Variants in C9orf72 observed in about 807,000 individuals in gnomAD.
C9orf72 encodes the protein C9orf72-SMCR8 complex subunit.
C9orf72 carries 44 observed loss-of-function variants against 51.6 expected under a neutral mutation model. That is an observed-to-expected ratio of 0.85 (90% CI 0.67 to 1.10). The LOEUF (loss-of-function observed/expected upper bound fraction) is 1.10, where lower values mean the gene tolerates loss of function less well. Among genes scored for constraint, C9orf72 ranks in the 50% least tolerant of loss-of-function variants. C9orf72 has a pLI of 0.00. For synonymous variants in C9orf72, 213 were observed against 194.2 expected, an observed-to-expected ratio of 1.10 and a Z score of -0.81; for missense variants, 607 against 570.6, an observed-to-expected ratio of 1.06 and a Z score of -0.65.
chr9:27,565,725 C>T (rs1430616715), intron 2 of C9orf72, 135 bp from the exon 3 acceptor site: 2 of 598,832 alleles, frequency 3.3e-6, no homozygotes, highest in Non-Finnish European at 5.9e-6. Flanking sequence ...AAAATGGGGG[C>T]AGGGGTAGGA....
chr9:27,564,204 G>C (rs553969687), intron 3 of C9orf72, among the ~76,000 whole-genome samples: 2 of 146,656 alleles, frequency 1.4e-5, no homozygotes, highest in African/African-American at 5.0e-5. Flanking sequence ...ATACAGAAGA[G>C]GCTCTAAAAG....
intron 9 of C9orf72, among the ~76,000 whole-genome samples, chr9:27,549,577 C>A (rs1315191748): frequency 6.6e-6 from 1 of 151,932 alleles, no homozygotes; most frequent in African/African-American, 2.4e-5. Flanking sequence ...AGTTTCCTGG[C>A]CTGATCCCCA....
chr9:27,566,297 C>T (rs1819465208), intron 2 of C9orf72, among the ~76,000 whole-genome samples: 1 of 152,140 alleles, frequency 6.6e-6, no homozygotes, highest in African/African-American at 2.4e-5. Context: ...TGACCAACAG[C>T]TTATGAAACT....
At chr9:27,569,311 G>A (rs1485811185) in intron 1 of C9orf72, among the ~76,000 whole-genome samples, 3 of 151,946 alleles carry the variant, frequency 2.0e-5, no homozygotes, top group Admixed American at 6.5e-5. Flanking sequence ...AGTCTACAGT[G>A]GTGTACAGTG....
chr9:27,554,711 A>G (rs897091445), intron 8 of C9orf72: 1 of 397,892 alleles, frequency 2.5e-6, no homozygotes, highest in African/African-American at 2.1e-5. Context: ...AGTTAAAATT[A>G]AAAATAACAA....
intron 8 of C9orf72, among the ~76,000 whole-genome samples, chr9:27,553,306 C>T (rs1054484142): frequency 3.9e-5 from 6 of 151,952 alleles, no homozygotes; most frequent in Admixed American, 1.3e-4. Context: ...TCACATTAGC[C>T]GATTTTATAC....
intron 9 of C9orf72, among the ~76,000 whole-genome samples, chr9:27,549,788 A>C (rs1006477378): frequency 6.6e-6 from 1 of 151,708 alleles, no homozygotes; most frequent in African/African-American, 2.4e-5. Flanking sequence ...AAAAAAAAAA[A>C]AAAACTTACT....
chr9:27,569,936 G>A (rs1345268298), intron 1 of C9orf72, among the ~76,000 whole-genome samples: 1 of 152,152 alleles, frequency 6.6e-6, no homozygotes, highest in Non-Finnish European at 1.5e-5. Flanking sequence ...CAGTCTGATG[G>A]AAAGCACTGA....
Position 27,558,589 on chromosome 9 carries a change from G to T in C9orf72, c.757C>A (p.Leu253Ile). The change falls in exon 7 of 11, where the codon CTT becomes ATT. Residue 253 changes from leucine (L) to isoleucine (I), a missense_variant. Transcript: ENST00000380003. ...TTTCTCTCTGCTGGAGTCAGAAAAA[G>T]GCATAATGTTCTGACTATCTATAAA... ...KVNKIVRTLC[L>I]FLTPAERKCS... 6.3e-7 allele frequency: 1 copy of T among 1,590,168 alleles called. No individual in the cohort carries two copies.
chr9:27,555,602 C>A (rs951163933), intron 8 of C9orf72, among the ~76,000 whole-genome samples: 4 of 150,866 alleles, frequency 2.7e-5, no homozygotes, highest in Non-Finnish European at 5.9e-5. Context: ...CTCGGTGTTC[C>A]CCAGGCTGGA....
At chr9:27,551,929 T>C (rs12347201) in intron 8 of C9orf72, among the ~76,000 whole-genome samples, 29,606 of 152,166 alleles carry the variant, frequency 0.19, 3,118 homozygotes, top group Non-Finnish European at 0.23. Flanking sequence ...ATTTTATTCG[T>C]TTTGCGGCTA....
intron 4 of C9orf72, 88 bp from the exon 5 acceptor site, chr9:27,561,737 G>T: frequency 1.3e-6 from 1 of 789,236 alleles, no homozygotes; most frequent in Non-Finnish European, 2.1e-6. Flanking sequence ...TCGGAAGTCT[G>T]GATTCAATAT....
chr9:27,553,121 T>C (rs1820942210), intron 8 of C9orf72, among the ~76,000 whole-genome samples: 2 of 152,178 alleles, frequency 1.3e-5, no homozygotes, highest in Non-Finnish European at 2.9e-5. Context: ...GAAGAATTAA[T>C]ATTGTTAAAA....
At chr9:27,573,719 C>G (rs1462010113), upstream of C9orf72, 3 of 152,304 alleles carry the variant, frequency 2.0e-5, no homozygotes, top group African/African-American at 4.8e-5. Flanking sequence ...CTCCTAAACC[C>G]ACACCTGCTC....
chr9:27,563,892 C>T (rs1249425492), intron 3 of C9orf72, among the ~76,000 whole-genome samples: 1 of 152,018 alleles, frequency 6.6e-6, no homozygotes, highest in African/African-American at 2.4e-5. Context: ...GTTAAATTTC[C>T]TTCCCTGTGA....
intron 7 of C9orf72, among the ~76,000 whole-genome samples, chr9:27,557,906 G>A (rs987032755): frequency 3.3e-5 from 5 of 151,686 alleles, no homozygotes; most frequent in East Asian, 3.9e-4. Flanking sequence ...ATTTCTTCAC[G>A]TCTTGGGACT....
intron 3 of C9orf72, among the ~76,000 whole-genome samples, chr9:27,563,694 T>C (rs974931332): frequency 9.2e-5 from 14 of 152,152 alleles, no homozygotes; most frequent in Non-Finnish European, 1.5e-4. Context: ...ATGCTACTTC[T>C]GGAAGTTTTA....
Position 27,570,055 on chromosome 9 carries a change from C to T in C9orf72, c.-44-2891G>A, listed in dbSNP as rs187449462. Among the ~76,000 whole-genome samples, 5 of 152,258 alleles carry T rather than the reference C, an allele frequency of 3.3e-5. No homozygotes were observed. In the East Asian group the frequency reaches 5.8e-4, roughly 18 times the overall value. Reference sequence around the variant, plus strand: ...TATGTACAGAAATGGTTGAACACAACGACAGTTTTAACACGTGTATTTGTA... The same window carrying T: ...TATGTACAGAAATGGTTGAACACAATGACAGTTTTAACACGTGTATTTGTA... On this transcript the variant is annotated intron_variant, in intron 1 of 10. Coordinates refer to ENST00000380003, the MANE Select transcript of C9orf72 (RefSeq NM_018325.5).
chr9:27,551,141 A>C (rs1439474044), intron 8 of C9orf72, among the ~76,000 whole-genome samples: 2 of 152,214 alleles, frequency 1.3e-5, no homozygotes, highest in African/African-American at 4.8e-5. Flanking sequence ...CAAAAACCAA[A>C]ACAAACCAAA....
Sources: gnomAD v4.1 joint callset for allele counts (sites outside exome capture counted in the v4.1 genomes callset) on GRCh38, gnomAD v4.1.1 for gene constraint, MANE v1.5 for transcripts, NCBI Gene and HGNC (gene_info 2026-07-23, HGNC 2026-07-21) for gene names.